Variants in BOC observed in about 807,000 individuals in gnomAD.
BOC encodes BOC cell adhesion associated, oncogene regulated, also known as brother of CDO.
A neutral mutation model predicts 112.0 loss-of-function variants in BOC; 76 were observed. That is an observed-to-expected ratio of 0.68 (90% CI 0.56 to 0.82). BOC has a LOEUF of 0.82. Ranked by LOEUF, BOC falls within the 40% of genes least tolerant of loss-of-function variation. The pLI is 0.00. For synonymous variants in BOC, 580 were observed against 599.8 expected, an observed-to-expected ratio of 0.97 and a Z score of 0.48; for missense variants, 1,309 against 1,511.7, an observed-to-expected ratio of 0.87 and a Z score of 2.22.
At chr3:113,257,722 C>T (rs988516610) in intron 4 of BOC, among the ~76,000 whole-genome samples, 1 of 152,026 alleles carries the variant, frequency 6.6e-6, no homozygotes, top group African/African-American at 2.4e-5. Context: ...CTACAATTAA[C>T]AATCTACCTC....
Position 113,249,915 on chromosome 3 carries a change from C to T in BOC, c.97+16C>T. 2 of 1,606,326 alleles carry T rather than the reference C, an allele frequency of 1.2e-6. No individual in the cohort carries two copies. Among genetic ancestry groups the T allele is most frequent in the Non-Finnish European group, 1.7e-6 (2 of 1,173,752 alleles). Reference sequence around the variant, plus strand: ...GCTGACTTGAGTGAGTGCTTTCCTTCCCTTTCCCTGCCCTTACAGTCAAAT... The same window carrying T: ...GCTGACTTGAGTGAGTGCTTTCCTTTCCTTTCCCTGCCCTTACAGTCAAAT... On this transcript the variant is annotated intron_variant, in intron 3 of 19. Coordinates refer to ENST00000682979, the MANE Select transcript of BOC (RefSeq NM_001378074.1).
chr3:113,220,180 G>C (rs942629997), intron 2 of BOC, among the ~76,000 whole-genome samples: 1 of 152,200 alleles, frequency 6.6e-6, no homozygotes, highest in Non-Finnish European at 1.5e-5. Flanking sequence ...AATACTCATA[G>C]AGCAGCCACC....
intron 2 of BOC, among the ~76,000 whole-genome samples, chr3:113,227,954 T>G (rs1237798712): frequency 1.3e-5 from 2 of 152,086 alleles, no homozygotes; most frequent in Non-Finnish European, 2.9e-5. Flanking sequence ...ACAAGGTTAC[T>G]CTTTCCAAAA....
At chr3:113,211,200 G>A (rs1938099650), upstream of BOC, 2 of 152,376 alleles carry the variant, frequency 1.3e-5, no homozygotes, top group Non-Finnish European at 2.9e-5. Flanking sequence ...GCGAAAGGAG[G>A]GAAGGATTGT....
In BOC at chr3:113,286,674, G is replaced by A. The variant is rs573249448; in HGVS notation, c.3161-1G>A. 8 of 1,569,704 alleles carry A rather than the reference G, an allele frequency of 5.1e-6. No homozygotes were observed. The highest frequency in any genetic ancestry group is 6.9e-6 in the Non-Finnish European group (8 of 1,159,484). On this transcript the variant is annotated splice_acceptor_variant, in intron 19 of 19. Transcript: ENST00000682979. LOFTEE classifies it high-confidence loss of function. ...ATGGTTCCTACTCTTTCTCCCCTCA[G>A]GGCCCCCATGCTGCTTGGGCCTTGT...
intron 2 of BOC, among the ~76,000 whole-genome samples, chr3:113,224,562 G>A (rs1415414962): frequency 2.6e-5 from 4 of 151,818 alleles, no homozygotes; most frequent in Non-Finnish European, 4.4e-5. Context: ...ATGTGAATTG[G>A]AGGGGGTGGG....
intron 15 of BOC, among the ~76,000 whole-genome samples, chr3:113,282,440 A>G (rs1192824174): frequency 2.0e-5 from 3 of 152,144 alleles, no homozygotes; most frequent in Non-Finnish European, 2.9e-5. Context: ...TCCAGCTGGA[A>G]GTACTGCACA....
chr3:113,273,355 A>G lies in BOC; in HGVS notation c.1234+14A>G, dbSNP rs199618661. ...CCTCCAGGCCAAGTGAGTGTAGCCC[A>G]GGGGTCTGAGATTCCAGCTGATGAT... On this transcript the variant is annotated intron_variant, in intron 8 of 19. Coordinates refer to ENST00000682979, the MANE Select transcript of BOC (RefSeq NM_001378074.1). 5.0e-5 allele frequency: 79 copies of G among 1,574,032 alleles called. No individual in the cohort carries two copies. The highest frequency in any genetic ancestry group is 6.1e-5 in the Non-Finnish European group (70 of 1,151,578).
rs541156908 is a variant in BOC at position 113,234,495 on chromosome 3, A to C, written c.-81-15227A>C. Among the ~76,000 whole-genome samples the C allele has an allele frequency of 3.8e-4, 58 of 152,302 alleles. 1 individual carries two copies. The highest frequency in any genetic ancestry group is 3.4e-3 in the Middle Eastern group (1 of 294). ...AAATCCACAGTTTATCTTGTAGCTT[A>C]ACCTTTCTTGAGGCCATGCTACATT... On this transcript the variant is annotated intron_variant, in intron 2 of 19. Coordinates refer to ENST00000682979, the MANE Select transcript of BOC (RefSeq NM_001378074.1).
At position 113,279,309 on chromosome 3, in the gene BOC, C is replaced by T; in HGVS notation, c.1877C>T (p.Thr626Ile). The T allele has an allele frequency of 6.2e-7, 1 of 1,614,178 alleles. No individual in the cohort carries two copies. Among genetic ancestry groups the T allele is most frequent in the Non-Finnish European group, 8.5e-7 (1 of 1,180,032 alleles). The change falls in exon 12 of 20, where the codon ACC becomes ATC. Residue 626 changes from threonine to isoleucine, a missense_variant. Physicochemically the swap from Thr to Ile is moderately conservative, Grantham distance 89 (BLOSUM62 -1). Coordinates refer to ENST00000682979, the MANE Select transcript of BOC (RefSeq NM_001378074.1). The stretch of plus-strand genomic sequence containing the variant: ...GCCTCCGAGACCTCAGTGTACGTGA[C>T]CTGGATTCCCCGTGGGAATGGTGGG... ...STASETSVYVTWIPRGNGGFP... is the reference protein window; with the variant it reads ...STASETSVYVIWIPRGNGGFP...
chr3:113,278,697 T>C lies in BOC; in HGVS notation c.1730T>C (p.Met577Thr). The C allele has an allele frequency of 6.4e-7, 1 of 1,568,804 alleles. No homozygotes were observed. Among genetic ancestry groups the C allele is most frequent in the Non-Finnish European group, 8.6e-7 (1 of 1,156,616 alleles). Residue 577 changes from methionine to threonine, a missense_variant, in exon 11 of 20, where the codon ATG becomes ACG. Transcript: ENST00000682979. The surrounding 1 kb of genome is among the most constrained non-coding windows in gnomAD (Gnocchi z 4.2). ...RTGRRPKPEIMASKEQQIQRD... is the reference protein window; with the variant it reads ...RTGRRPKPEITASKEQQIQRD... ...GGACGGCGGCCCAAACCCGAGATCA[T>C]GGCCAGCAAAGAGCAGCAGATCCAG...
Position 113,216,291 on chromosome 3 carries a change from C to G in BOC, c.-82+17C>G, listed in dbSNP as rs4682130. The G allele has an allele frequency of 0.73, 335,330 of 456,334 alleles. 124,366 individuals carry two copies. The highest frequency in any genetic ancestry group is 0.77 in the Non-Finnish European group (175,762 of 226,858). The allele number at this position is 456,334 out of a possible 1,614,324, so 28.3% of individuals were successfully genotyped here. ...GTAGAAGAAGTGGGTGAGGTTTTCT[C>G]TTCAGTCTGATAGCTCTGGCCTATT... On this transcript the variant is annotated intron_variant, in intron 2 of 19. Coordinates refer to ENST00000682979, the MANE Select transcript of BOC (RefSeq NM_001378074.1).
intron 4 of BOC, among the ~76,000 whole-genome samples, chr3:113,256,623 G>C (rs1029615957): frequency 3.9e-5 from 6 of 152,160 alleles, no homozygotes; most frequent in Admixed American, 1.3e-4. Context: ...AGGTCACCTA[G>C]GTTCTGACTG....
In BOC at chr3:113,272,674, C is replaced by T. The variant is rs761252935; in HGVS notation, c.932C>T (p.Ala311Val). The T allele has an allele frequency of 2.1e-5, 34 of 1,613,788 alleles. No individual in the cohort carries two copies. The highest frequency in any genetic ancestry group is 3.3e-5 in the South Asian group (3 of 91,048). ...ADNGVGQPGA[A>V]VILYNVQVFE... is the part of the protein sequence containing the mutation. ...AATGGGGTTGGGCAGCCCGGGGCAG[C>T]GGTCATCCTCTACAATGTCCAGGTG... Residue 311 changes from alanine (A) to valine (V), a missense_variant, in exon 7 of 20, where the codon GCG becomes GTG. By Grantham distance (64) the Ala-to-Val change is moderately conservative. Coordinates refer to ENST00000682979, the MANE Select transcript of BOC (RefSeq NM_001378074.1).
intron 2 of BOC, among the ~76,000 whole-genome samples, chr3:113,235,340 G>A (rs1251267259): frequency 6.6e-5 from 10 of 152,220 alleles, no homozygotes; most frequent in Non-Finnish European, 1.5e-4. Flanking sequence ...AAAAAGAACA[G>A]GTGGTTTTGT....
chr3:113,260,961 T>C (rs544138703), intron 4 of BOC, among the ~76,000 whole-genome samples: 6 of 152,248 alleles, frequency 3.9e-5, no homozygotes, highest in Non-Finnish European at 7.4e-5. Context: ...ATGAAACCCG[T>C]CCCTGATGCC....
At chr3:113,248,419 C>G (rs545725825) in intron 2 of BOC, among the ~76,000 whole-genome samples, 22 of 152,306 alleles carry the variant, frequency 1.4e-4, no homozygotes, top group African/African-American at 5.3e-4. Flanking sequence ...GAGAGAGTCT[C>G]TGGTTAGGTA....
chr3:113,241,351 C>G (rs1944262516), intron 2 of BOC, among the ~76,000 whole-genome samples: 1 of 152,172 alleles, frequency 6.6e-6, no homozygotes, highest in Admixed American at 6.5e-5. Flanking sequence ...TGCACAGACT[C>G]AAACCTGCAC....
chr3:113,243,127 G>A (rs1944510911), intron 2 of BOC, among the ~76,000 whole-genome samples: 1 of 152,130 alleles, frequency 6.6e-6, no homozygotes, highest in Non-Finnish European at 1.5e-5. Flanking sequence ...TGGATTTACA[G>A]ATTATATTAT....
Sources: gnomAD v4.1 joint callset for allele counts (sites outside exome capture counted in the v4.1 genomes callset) on GRCh38, gnomAD v4.1.1 for gene constraint, Gnocchi (gnomAD v3.1) non-coding constraint, MANE v1.5 for transcripts, NCBI Gene and HGNC (gene_info 2026-07-23, HGNC 2026-07-21) for gene names.